The following ACAN variants were observed in gnomAD, a reference collection of about 807,000 sequenced individuals.
ACAN encodes the protein aggrecan core protein.
ACAN carries 47 observed loss-of-function variants against 169.1 expected under a neutral mutation model. The observed-to-expected ratio is 0.28, with a 90% confidence interval of 0.22 to 0.35. ACAN has a LOEUF of 0.35. ACAN is among the 10% of genes least tolerant of loss of function. ACAN has a pLI of 1.00. For missense variants in ACAN, 2,716 were observed against 2,759.9 expected (o/e 0.98, Z 0.36); for synonymous variants, 1,115 against 1,112.2 (o/e 1.00, Z -0.05).
chr15:88,833,832 G>A (rs1012452402), intron 1 of ACAN, among the ~76,000 whole-genome samples: 1 of 145,508 alleles, frequency 6.9e-6, no homozygotes, highest in Non-Finnish European at 1.5e-5. Flanking sequence ...CTACACCCCC[G>A]GACAATGTCC....
In ACAN at chr15:88,814,843, G is replaced by A. The variant is rs1051251725; in HGVS notation, c.-8+11034G>A. 2.0e-5 allele frequency among the ~76,000 whole-genome samples: 3 copies of A among 152,162 alleles called. No homozygotes were observed. Among genetic ancestry groups the A allele is most frequent in the Non-Finnish European group, 4.4e-5 (3 of 68,018 alleles). On this transcript the variant is annotated intron_variant, in intron 1 of 18. Coordinates refer to ENST00000560601, the MANE Select transcript of ACAN (RefSeq NM_001369268.1). The surrounding 1 kb of genome is among the most constrained non-coding windows in gnomAD (Gnocchi z 4.0). ...AGGCAGGAGGTGCTGGTGCAGGGCT[G>A]GGGGCTGCCTCTGGCCCTACCGAAC...
chr15:88,847,956 C>T lies in ACAN; in HGVS notation c.1650C>T (p.Asp550=), dbSNP rs1280697807. The T allele has an allele frequency of 1.2e-6, 2 of 1,613,918 alleles. No homozygotes were observed. Among genetic ancestry groups the T allele is most frequent in the South Asian group, 1.1e-5 (1 of 91,058 alleles). Residue 550 remains aspartate (D), a synonymous_variant, in exon 9 of 19, where the codon GAC becomes GAT. Coordinates refer to ENST00000560601, the MANE Select transcript of ACAN (RefSeq NM_001369268.1). ...GGACCCCATGCGTGGGTGACAAGGACAGCAGCCCAGGGGTCAGGACCTATG... is the reference window on the plus strand; with the variant it reads ...GGACCCCATGCGTGGGTGACAAGGATAGCAGCCCAGGGGTCAGGACCTATG... ...SPRTPCVGDK[D]SSPGVRTYGV...
At chr15:88,805,967 G>A (rs942067260) in intron 1 of ACAN, among the ~76,000 whole-genome samples, 14 of 152,054 alleles carry the variant, frequency 9.2e-5, no homozygotes, top group African/African-American at 3.4e-4. Context: ...AATTAGAGAG[G>A]GAGCTCCAAG....
Position 88,855,077 on chromosome 15 carries a change from C to A in ACAN, c.2492C>A (p.Pro831His). Residue 831 changes from proline to histidine, a missense_variant, in exon 12 of 19, where the codon CCC (proline) becomes CAC (histidine). Coordinates refer to ENST00000560601, the MANE Select transcript of ACAN (RefSeq NM_001369268.1). ...EEPFPSKEPS[P>H]SEEPSASEEP... ...CCATTCCCCTCCAAGGAGCCATCCCCCTCAGAGGAACCATCAGCCTCGGAA... is the reference window on the plus strand; with the variant it reads ...CCATTCCCCTCCAAGGAGCCATCCCACTCAGAGGAACCATCAGCCTCGGAA... The A allele has an allele frequency of 1.9e-6, 3 of 1,586,726 alleles. No individual in the cohort carries two copies. The highest frequency in any genetic ancestry group is 2.6e-6 in the Non-Finnish European group (3 of 1,167,924).
At chr15:88,812,031 C>T (rs940508334) in intron 1 of ACAN, among the ~76,000 whole-genome samples, 1 of 152,176 alleles carries the variant, frequency 6.6e-6, no homozygotes, top group Non-Finnish European at 1.5e-5. Flanking sequence ...TGTGGGAGAC[C>T]TGATTGCTTA....
intron 1 of ACAN, among the ~76,000 whole-genome samples, chr15:88,808,611 T>C (rs1053212592): frequency 1.3e-5 from 2 of 152,162 alleles, no homozygotes; most frequent in African/African-American, 4.8e-5. Flanking sequence ...TTTTTTGTTG[T>C]CACCACTGGA....
chr15:88,806,333 G>A (rs1043217068), intron 1 of ACAN, among the ~76,000 whole-genome samples: 5 of 148,334 alleles, frequency 3.4e-5, no homozygotes, highest in Non-Finnish European at 7.4e-5. Flanking sequence ...GAGACTGTGT[G>A]TCCTAACTTT....
In ACAN at chr15:88,861,262, C is replaced by G. The variant is rs970643444; in HGVS notation, c.6946+823C>G. On this transcript the variant is annotated intron_variant, in intron 13 of 18. Coordinates refer to ENST00000560601, the MANE Select transcript of ACAN (RefSeq NM_001369268.1). The surrounding 1 kb of genome is among the most constrained non-coding windows in gnomAD (Gnocchi z 6.3). ...CCACTAACCCCAGTGCCCTTATCCC[C>G]AGCCTCCCTCCTAGGTCAAGAATCA... Among the ~76,000 whole-genome samples the G allele has an allele frequency of 2.0e-5, 3 of 152,174 alleles. No homozygotes were observed. The highest frequency in any genetic ancestry group is 7.2e-5 in the African/African-American group (3 of 41,428).
chr15:88,810,347 A>C (rs1895789877), intron 1 of ACAN, among the ~76,000 whole-genome samples: 2 of 151,550 alleles, frequency 1.3e-5, no homozygotes, highest in African/African-American at 4.9e-5. Flanking sequence ...TCCAGGGCTA[A>C]TTTTGGGGGG....
At position 88,860,288 on chromosome 15, in the gene ACAN, G is replaced by C. The variant is rs900194260; in HGVS notation, c.6833-38G>C. The C allele has an allele frequency of 4.1e-6, 6 of 1,480,692 alleles. No homozygotes were observed. The Admixed American group carries it at 9.4e-5, about 23-fold the overall frequency. The allele number at this position is 1,480,692 out of a possible 1,614,324, so 91.7% of individuals were successfully genotyped here. On this transcript the variant is annotated intron_variant, in intron 12 of 18. Transcript: ENST00000560601. ...TGGAGGCCATGGTAGCCAGGTGACT[G>C]TGTTCTTGATGCTCAACCTCTCCCC... is the stretch of plus-strand genomic sequence containing the variant.
intron 1 of ACAN, among the ~76,000 whole-genome samples, chr15:88,822,132 C>G (rs1896092134): frequency 6.6e-6 from 1 of 152,230 alleles, no homozygotes; most frequent in African/African-American, 2.4e-5. Context: ...AGTCTCCAGT[C>G]CCTCCAGAGG....
intron 1 of ACAN, among the ~76,000 whole-genome samples, chr15:88,831,134 C>T (rs1000460652): frequency 1.3e-5 from 2 of 152,158 alleles, no homozygotes; most frequent in African/African-American, 4.8e-5. Context: ...TGTGATGTCA[C>T]CGAACACAAA....
chr15:88,837,568 T>G (rs1896535731), intron 2 of ACAN, among the ~76,000 whole-genome samples: 1 of 152,084 alleles, frequency 6.6e-6, no homozygotes, highest in Admixed American at 6.5e-5. Context: ...TTCATTAGGT[T>G]TGAGTGGGGC....
chr15:88,831,316 T>C (rs1896356890), intron 1 of ACAN, among the ~76,000 whole-genome samples: 1 of 152,220 alleles, frequency 6.6e-6, no homozygotes, highest in African/African-American at 2.4e-5. Flanking sequence ...GCGCTATCAT[T>C]AATCAATACA....
chr15:88,865,224 T>A (rs1272338585), intron 13 of ACAN, among the ~76,000 whole-genome samples: 1 of 152,190 alleles, frequency 6.6e-6, no homozygotes, highest in Non-Finnish European at 1.5e-5. Flanking sequence ...CCAGAGTCCC[T>A]GCTCAGTGAT....
intron 1 of ACAN, among the ~76,000 whole-genome samples, chr15:88,833,752 T>C (rs1567172557): frequency 8.1e-6 from 1 of 124,028 alleles, no homozygotes; most frequent in Non-Finnish European, 1.6e-5. Context: ...CCCACCTCTT[T>C]TCATTCCTTC....
In ACAN at chr15:88,858,280, A is replaced by C; in HGVS notation, c.5695A>C (p.Ser1899Arg). The change falls in exon 12 of 19, where the codon AGT becomes CGT. Residue 1899 changes from serine to arginine, a missense_variant. Transcript: ENST00000560601. The surrounding 1 kb of genome is among the most constrained non-coding windows in gnomAD (Gnocchi z 4.0). ...SQTPEFSGLP[S>R]GIAEVSGESS... is the part of the protein sequence containing the mutation. ...GACTCCGGAATTCAGTGGCCTACCA[A>C]GTGGCATAGCTGAGGTCAGTGGAGA... is the stretch of plus-strand genomic sequence containing the variant. The C allele has an allele frequency of 6.2e-7, 1 of 1,613,956 alleles. No individual in the cohort carries two copies.
Position 88,849,333 on chromosome 15 carries a change from T to TTAGCCCTGG in ACAN, c.1733-103_1733-95dup. The TTAGCCCTGG allele has an allele frequency of 8.4e-7, 1 of 1,197,252 alleles. No individual in the cohort carries two copies. The highest frequency in any genetic ancestry group is 1.1e-6 in the Non-Finnish European group (1 of 882,268). 74.2% of individuals were successfully genotyped at this position (1,197,252 alleles called of 1,614,324 possible). On this transcript the variant is annotated intron_variant, in intron 9 of 18. Transcript: ENST00000560601. This position sits in a 1 kb window ranked among gnomAD's most constrained non-coding sequence, Gnocchi z 5.1. ...AGGGGTGATGGAGCTGGGCTGGGTC[T>TTAGCCCTGG]TAGCCCTGGTGAGGAGGGTTAGAGG...
At position 88,857,878 on chromosome 15, in the gene ACAN, A is replaced by G. The variant is rs4932439; in HGVS notation, c.5293A>G (p.Ile1765Val). The change falls in exon 12 of 19, where the codon ATT becomes GTT. Residue 1765 changes from isoleucine (I) to valine (V), a missense_variant. Transcript: ENST00000560601. The part of the protein sequence containing the change: ...LSGLSSGQPG[I>V]SGEASGVLYG... ...CGGGCTGTCCTCTGGACAACCAGGT[A>G]TTAGTGGAGAAGCATCTGGAGTTCT... is the stretch of plus-strand genomic sequence containing the variant. The G allele has an allele frequency of 0.8, 1,293,663 of 1,613,586 alleles. 526,095 individuals carry two copies. The highest frequency in any genetic ancestry group is 0.97 in the African/African-American group (72,437 of 75,012).
Sources: allele counts gnomAD v4.1 joint callset (sites outside exome capture counted in the v4.1 genomes callset), GRCh38; gene constraint gnomAD v4.1.1; non-coding constraint Gnocchi (gnomAD v3.1); transcripts MANE v1.5; gene names NCBI Gene and HGNC (gene_info 2026-07-23, HGNC 2026-07-21).